LRP1B: variants seen among roughly 807,000 people sequenced by gnomAD.
LRP1B encodes low-density lipoprotein receptor-related protein 1B.
A neutral mutation model predicts 556.6 loss-of-function variants in LRP1B; 217 were observed. The observed-to-expected ratio is 0.39, with a 90% CI of 0.35 to 0.44. LRP1B has a LOEUF of 0.44. Among genes scored for constraint, LRP1B ranks in the 20% least tolerant of loss-of-function variants. LRP1B has a pLI of 1.00. For missense variants in LRP1B, 5,053 were observed against 5,620.8 expected, an observed-to-expected ratio of 0.90 and a Z score of 3.23; for synonymous variants, 2,047 against 1,865.8, an observed-to-expected ratio of 1.10 and a Z score of -2.50.
intron 31 of LRP1B, among the ~76,000 whole-genome samples, chr2:140,815,802 T>C (rs1315458536): frequency 6.6e-6 from 1 of 151,602 alleles, no homozygotes; most frequent in Non-Finnish European, 1.5e-5. Flanking sequence ...CCTAAATCAA[T>C]GCAATACACA....
chr2:140,553,988 CT>C (rs1680640552), intron 43 of LRP1B, among the ~76,000 whole-genome samples: 1 of 151,946 alleles, frequency 6.6e-6, no homozygotes, highest in Non-Finnish European at 1.5e-5. Flanking sequence ...GGGGAAGCCC[CT>C]GGAGGAAGAA....
chr2:140,862,140 C>T (rs1692817051), intron 27 of LRP1B, among the ~76,000 whole-genome samples: 1 of 152,128 alleles, frequency 6.6e-6, no homozygotes, highest in Non-Finnish European at 1.5e-5. Context: ...TCAACTGTAT[C>T]CCAGAAGTAT....
rs536921011 is a variant in LRP1B at position 141,046,672 on chromosome 2, C to A, written c.1789+2314G>T. Among the ~76,000 whole-genome samples, 23 of 152,198 alleles carry A rather than the reference C, an allele frequency of 1.5e-4. No individual in the cohort carries two copies. In the South Asian group the frequency reaches 4.6e-3, roughly 30 times the overall value. ...GTGGAATGCAAAGAACCACCAATGT[C>A]CTTGATATTATTCTCAAAGTTAAGA... On this transcript the variant is annotated intron_variant, in intron 11 of 90. Transcript: ENST00000389484.
At chr2:141,001,536 T>C (rs1048109270) in intron 15 of LRP1B, among the ~76,000 whole-genome samples, 1 of 152,122 alleles carries the variant, frequency 6.6e-6, no homozygotes, top group Admixed American at 6.6e-5. Flanking sequence ...GTTCTCATTG[T>C]TCAATTCCCA....
chr2:140,707,319 G>T (rs1686874905), intron 37 of LRP1B, among the ~76,000 whole-genome samples: 1 of 152,074 alleles, frequency 6.6e-6, no homozygotes, highest in Admixed American at 6.6e-5. Context: ...GTTGGCCTTG[G>T]TCAAGAAAAG....
intron 31 of LRP1B, among the ~76,000 whole-genome samples, chr2:140,825,185 G>C (rs577185636): frequency 1.3e-5 from 2 of 152,270 alleles, no homozygotes; most frequent in African/African-American, 4.8e-5. Flanking sequence ...TATTAGATAG[G>C]AGTGAGTGAA....
At chr2:141,113,435 G>C (rs181270157) in intron 7 of LRP1B, among the ~76,000 whole-genome samples, 5 of 152,054 alleles carry the variant, frequency 3.3e-5, no homozygotes, top group Non-Finnish European at 7.4e-5. Flanking sequence ...GCTGAATAAA[G>C]GTTCTTTTAA....
intron 6 of LRP1B, among the ~76,000 whole-genome samples, chr2:141,213,739 T>C (rs1379662032): frequency 1.3e-5 from 2 of 152,266 alleles, no homozygotes; most frequent in South Asian, 4.1e-4. Context: ...TCTAGATCAA[T>C]TGTAATACCA....
intron 45 of LRP1B, among the ~76,000 whole-genome samples, chr2:140,539,684 A>G (rs1680063076): frequency 6.6e-6 from 1 of 152,130 alleles, no homozygotes. Flanking sequence ...ACGCATGGCT[A>G]ACACTCCGGG....
At position 141,318,085 on chromosome 2, in the gene LRP1B, A is replaced by G. The variant is rs188884103; in HGVS notation, c.344-63444T>C. Among the ~76,000 whole-genome samples, 45 of 152,314 alleles carry G rather than the reference A, an allele frequency of 3.0e-4. 1 individual carries two copies. Among genetic ancestry groups the G allele is most frequent in the African/African-American group, 1.0e-3 (43 of 41,594 alleles). Reference sequence around the variant, plus strand: ...AGGGTTAACTTCTGATGTCTTGTAAATGGAATCCTTGGCTCCTAAAATAGG... The same window carrying G: ...AGGGTTAACTTCTGATGTCTTGTAAGTGGAATCCTTGGCTCCTAAAATAGG... On this transcript the variant is annotated intron_variant, in intron 3 of 90. Coordinates refer to ENST00000389484, the MANE Select transcript of LRP1B (RefSeq NM_018557.3).
At chr2:140,265,274 CATT>C (rs1235947954) in intron 86 of LRP1B, among the ~76,000 whole-genome samples, 1 of 135,472 alleles carries the variant, frequency 7.4e-6, no homozygotes, top group Non-Finnish European at 1.6e-5. Context: ...CAAAATAACA[CATT>C]AGATTTTTTT....
At position 140,789,011 on chromosome 2, in the gene LRP1B, G is replaced by A. The variant is rs137994811; in HGVS notation, c.5360-12773C>T. 7.0e-3 allele frequency among the ~76,000 whole-genome samples: 1,062 copies of A among 152,228 alleles called. 4 individuals are homozygous for A. The highest frequency in any genetic ancestry group is 0.011 in the Non-Finnish European group (753 of 68,002). On this transcript the variant is annotated intron_variant, in intron 32 of 90. Transcript: ENST00000389484. The stretch of plus-strand genomic sequence containing the variant: ...CAAACCTACTAACACCTTGATTTCG[G>A]ATTTCTAAGCCTCCAGAGCTGTGAA...
At chr2:141,421,485 C>T (rs1680142205) in intron 3 of LRP1B, among the ~76,000 whole-genome samples, 3 of 148,678 alleles carry the variant, frequency 2.0e-5, no homozygotes, top group South Asian at 2.1e-4. Context: ...GCCGAGATCC[C>T]GCCACTGCAC....
At chr2:140,930,909 C>T (rs1355314028) in intron 20 of LRP1B, among the ~76,000 whole-genome samples, 1 of 152,100 alleles carries the variant, frequency 6.6e-6, no homozygotes. Flanking sequence ...ACATCCATAG[C>T]CTCATTCTGT....
intron 4 of LRP1B, 63 bp downstream of exon 4, chr2:141,254,459 C>T (rs1340733278): frequency 7.1e-6 from 11 of 1,549,352 alleles, no homozygotes; most frequent in Non-Finnish European, 8.9e-6. Context: ...AAGATGTCTG[C>T]TTACATTTCT....
intron 23 of LRP1B, among the ~76,000 whole-genome samples, chr2:140,889,576 C>T (rs967414961): frequency 4.6e-5 from 7 of 152,144 alleles, no homozygotes; most frequent in South Asian, 2.1e-4. Flanking sequence ...GGATTACAGA[C>T]GTAAGCCACC....
chr2:140,443,797 T>A (rs987420389), intron 65 of LRP1B, among the ~76,000 whole-genome samples: 6 of 152,230 alleles, frequency 3.9e-5, no homozygotes, highest in African/African-American at 1.4e-4. Flanking sequence ...TTTACTATTA[T>A]TCTTTCAAAT....
intron 2 of LRP1B, among the ~76,000 whole-genome samples, chr2:141,554,382 G>A (rs980636605): frequency 1.3e-5 from 2 of 149,196 alleles, no homozygotes; most frequent in Non-Finnish European, 3.0e-5. Flanking sequence ...ATATCTATAG[G>A]AATAGATATA....
chr2:142,056,851 A>G (rs1469225097), intron 1 of LRP1B, among the ~76,000 whole-genome samples: 1 of 152,068 alleles, frequency 6.6e-6, no homozygotes. Context: ...CCCAACTATG[A>G]TAATTTCAGC....
Sources: allele counts gnomAD v4.1 joint callset (sites outside exome capture counted in the v4.1 genomes callset), GRCh38; gene constraint gnomAD v4.1.1; transcripts MANE v1.5; gene names NCBI Gene and HGNC (gene_info 2026-07-23, HGNC 2026-07-21).